The following YAF2 variants were observed in gnomAD, a reference collection of about 807,000 sequenced individuals.
The protein encoded by YAF2 is YY1-associated factor 2.
YAF2 carries 7 observed loss-of-function variants against 20.1 expected under a neutral mutation model. That is an observed-to-expected ratio of 0.35 (90% CI 0.20 to 0.65). The LOEUF (loss-of-function observed/expected upper bound fraction) is 0.65, where lower values mean the gene tolerates loss of function less well. YAF2 is among the 30% of genes least tolerant of loss of function. The pLI is 0.69. For synonymous variants in YAF2, 74 were observed against 76.0 expected (o/e 0.97, Z 0.14); for missense variants, 151 against 219.2 (o/e 0.69, Z 1.96).
intron 2 of YAF2, among the ~76,000 whole-genome samples, chr12:42,224,562 G>A (rs2067629090): frequency 1.3e-5 from 2 of 151,380 alleles, no homozygotes; most frequent in African/African-American, 4.9e-5. Context: ...CGTGTGTGAT[G>A]TTCCCCTCCC....
At position 42,181,450 on chromosome 12, in the gene YAF2, TCTTGCGTAATGATCAGA is replaced by T. The variant is rs569489475; in HGVS notation, c.153-19702_153-19686del. Among the ~76,000 whole-genome samples, 347 of 152,346 alleles carry T rather than the reference TCTTGCGTAATGATCAGA, an allele frequency of 2.3e-3. 1 individual carries two copies. The highest frequency in any genetic ancestry group is 8.0e-3 in the African/African-American group (331 of 41,584). The stretch of plus-strand genomic sequence containing the variant: ...CCTTTTACCAGCCAGAGCTGTTACT[TCTTGCGTAATGATCAGA>T]TCTGTGGCTCTTTGAATAACTGCTC... On this transcript the variant is annotated intron_variant, in intron 2 of 3. Coordinates refer to ENST00000534854, the MANE Select transcript of YAF2 (RefSeq NM_005748.6).
intron 2 of YAF2, chr12:42,235,813 T>G: frequency 6.5e-7 from 1 of 1,536,028 alleles, no homozygotes; most frequent in Non-Finnish European, 8.7e-7. Flanking sequence ...TCTTTTAAAC[T>G]AGGCCCACTT....
chr12:42,207,845 C>G (rs1233894645), intron 2 of YAF2, among the ~76,000 whole-genome samples: 2 of 151,740 alleles, frequency 1.3e-5, no homozygotes, highest in Non-Finnish European at 1.5e-5. Flanking sequence ...GAGCCGAGAT[C>G]GTGCCACTGC....
chr12:42,214,883 G>C (rs192267114), intron 2 of YAF2, among the ~76,000 whole-genome samples: 1 of 151,846 alleles, frequency 6.6e-6, no homozygotes. Flanking sequence ...AGGCGCCTGC[G>C]GTCCCAGCTA....
intron 2 of YAF2, among the ~76,000 whole-genome samples, chr12:42,229,996 C>T (rs896531136): frequency 6.6e-5 from 10 of 152,116 alleles, no homozygotes; most frequent in Non-Finnish European, 1.2e-4. Context: ...TGGTGGCTTA[C>T]GCCTGCAATC....
At chr12:42,222,937 C>CT (rs75277041) in intron 2 of YAF2, among the ~76,000 whole-genome samples, 17,083 of 140,838 alleles carry the variant, frequency 0.12, 1,053 homozygotes, top group East Asian at 0.19. Flanking sequence ...CTGCCAAATT[C>CT]TTTTTTTTTT....
intron 2 of YAF2, among the ~76,000 whole-genome samples, chr12:42,218,929 C>G (rs1465383725): frequency 2.0e-5 from 3 of 152,026 alleles, no homozygotes; most frequent in East Asian, 1.9e-4. Context: ...AAGAAAGCTT[C>G]AAATCTCTCC....
chr12:42,222,119 C>CT (rs564926772), intron 2 of YAF2, among the ~76,000 whole-genome samples: 111 of 152,180 alleles, frequency 7.3e-4, no homozygotes, highest in African/African-American at 2.5e-3. Flanking sequence ...TCTTAACAAC[C>CT]ATGAAAGCCA....
At chr12:42,237,447 T>G in intron 2 of YAF2, 152 bp downstream of exon 2, 1 of 1,314,622 alleles carries the variant, frequency 7.6e-7, no homozygotes, top group Non-Finnish European at 9.7e-7. Context: ...TGGGTTGCGA[T>G]CAATGTGACC....
chr12:42,161,897 A>G, intron 2 of YAF2, 132 bp from the exon 3 acceptor site: 1 of 797,986 alleles, frequency 1.3e-6, no homozygotes, highest in South Asian at 1.9e-5. Context: ...CTCATATGTA[A>G]GGTAATTTAA....
At chr12:42,211,604 G>A (rs2067212105) in intron 2 of YAF2, among the ~76,000 whole-genome samples, 2 of 151,780 alleles carry the variant, frequency 1.3e-5, no homozygotes, top group African/African-American at 4.8e-5. Context: ...AAGTAGCCAG[G>A]TGTGGTGGCA....
At chr12:42,176,154 G>C (rs906898659) in intron 2 of YAF2, among the ~76,000 whole-genome samples, 1 of 150,888 alleles carries the variant, frequency 6.6e-6, no homozygotes, top group Non-Finnish European at 1.5e-5. Flanking sequence ...GCTGAGGCAG[G>C]AGAATCACTT....
intron 2 of YAF2, among the ~76,000 whole-genome samples, chr12:42,175,671 T>C (rs1340509776): frequency 3.9e-5 from 5 of 128,538 alleles, no homozygotes; most frequent in East Asian, 4.9e-4. Flanking sequence ...GGTCAAAAGA[T>C]TGAGACCATC....
chr12:42,192,626 T>C (rs184748070), intron 2 of YAF2, among the ~76,000 whole-genome samples: 5 of 152,304 alleles, frequency 3.3e-5, no homozygotes, highest in Non-Finnish European at 2.9e-5. Context: ...AAAACACATA[T>C]GGAATTGGAG....
At chr12:42,222,340 G>A (rs2067541742) in intron 2 of YAF2, among the ~76,000 whole-genome samples, 1 of 152,076 alleles carries the variant, frequency 6.6e-6, no homozygotes, top group South Asian at 2.1e-4. Context: ...AGAGAAATAA[G>A]CAAAAAAACC....
chr12:42,233,379 A>G (rs1200566104), intron 2 of YAF2: 1 of 984,950 alleles, frequency 1.0e-6, no homozygotes, highest in African/African-American at 1.7e-5. Context: ...ATCTGAATTA[A>G]GCAATATTAA....
At chr12:42,215,010 TTAAA>T (rs906316823) in intron 2 of YAF2, among the ~76,000 whole-genome samples, 1 of 151,938 alleles carries the variant, frequency 6.6e-6, no homozygotes, top group South Asian at 2.1e-4. Context: ...CCATCTTAAA[TTAAA>T]TAAATAAATA....
intron 2 of YAF2, among the ~76,000 whole-genome samples, chr12:42,193,058 A>G (rs544402482): frequency 4.8e-4 from 73 of 152,300 alleles, no homozygotes; most frequent in Admixed American, 2.5e-3. Flanking sequence ...TCACACCTGT[A>G]ATCCCAGCAC....
chr12:42,228,793 G>A (rs1198208868), intron 2 of YAF2, among the ~76,000 whole-genome samples: 1 of 54,878 alleles, frequency 1.8e-5, no homozygotes, highest in Non-Finnish European at 3.1e-5. Context: ...GAGGTTGGGG[G>A]GTCAGCCCCC....
Sources: allele counts gnomAD v4.1 joint callset (sites outside exome capture counted in the v4.1 genomes callset), GRCh38; gene constraint gnomAD v4.1.1; transcripts MANE v1.5; gene names NCBI Gene and HGNC (gene_info 2026-07-23, HGNC 2026-07-21).